The following COIL variants were observed in gnomAD, a reference collection of about 807,000 sequenced individuals.
The protein encoded by COIL is coilin p80.
COIL carries 28 observed loss-of-function variants against 51.6 expected under a neutral mutation model. The ratio of observed to expected loss-of-function variants is 0.54; its 90% CI spans 0.40 to 0.74. The LOEUF (loss-of-function observed/expected upper bound fraction) is 0.74. Ranked by LOEUF, COIL falls within the 30% of genes least tolerant of loss-of-function variation. COIL has a pLI of 0.00. For synonymous variants in COIL, 233 were observed against 255.8 expected (o/e 0.91, Z 0.85); for missense variants, 667 against 685.9 (o/e 0.97, Z 0.31).
chr17:56,959,516 T>C (rs1053921741), intron 1 of COIL, among the ~76,000 whole-genome samples: 2 of 152,306 alleles, frequency 1.3e-5, no homozygotes, highest in East Asian at 1.9e-4. Flanking sequence ...CAAAAGCATA[T>C]TTAAGATTAT....
At position 56,950,358 on chromosome 17, in the gene COIL, G is replaced by A; in HGVS notation, c.884C>T (p.Ala295Val). The change falls in exon 2 of 7, where the codon GCT becomes GTT. Residue 295 changes from alanine to valine, a missense_variant. Transcript: ENST00000240316. ...GGTAAGGCTAAAGCCAAGTTTTATA[G>A]CCAGTTTGTCTGCAGTTGTATTTTT... ...STKNTTADKL[A>V]IKLGFSLTPS... The A allele has an allele frequency of 6.2e-7, 1 of 1,614,168 alleles. No homozygotes were observed. Among genetic ancestry groups the A allele is most frequent in the Non-Finnish European group, 8.5e-7 (1 of 1,180,030 alleles).
At chr17:56,955,219 C>T (rs1486456517) in intron 1 of COIL, among the ~76,000 whole-genome samples, 1 of 152,154 alleles carries the variant, frequency 6.6e-6, no homozygotes, top group African/African-American at 2.4e-5. Context: ...TGCCTGCCAC[C>T]ACGCCTGGCT....
Position 56,938,982 on chromosome 17 carries a change from C to T in COIL, c.*89G>A, listed in dbSNP as rs1331705724. On this transcript the variant is annotated 3_prime_UTR_variant, in exon 7 of 7. Transcript: ENST00000240316. ...ATAACAAAAAAATCCATACAACTTC[C>T]AAATCCTCTTTAAAAAAAAAAAAAA... 2.0e-5 allele frequency: 14 copies of T among 686,118 alleles called. No homozygotes were observed. The highest frequency in any genetic ancestry group is 3.0e-5 in the Non-Finnish European group (12 of 398,776). The allele number at this position is 686,118 out of a possible 1,614,324, so 42.5% of individuals were successfully genotyped here. A position where few individuals can be genotyped will look rare whatever the true frequency, so the allele number is the denominator to read the frequency against.
chr17:56,955,998 T>TA (rs1598099049), intron 1 of COIL, among the ~76,000 whole-genome samples: 1 of 152,058 alleles, frequency 6.6e-6, no homozygotes, highest in East Asian at 1.9e-4. Context: ...CCATGATAGG[T>TA]AAAAAAGCAA....
At chr17:56,957,807 T>C (rs374116273) in intron 1 of COIL, among the ~76,000 whole-genome samples, 24 of 152,262 alleles carry the variant, frequency 1.6e-4, no homozygotes, top group African/African-American at 5.8e-4. Context: ...TCCAAGCCAA[T>C]AGAAGCACCT....
In COIL at chr17:56,943,164, T is replaced by C. The variant is rs73311860; in HGVS notation, c.1559-1041A>G. On this transcript the variant is annotated intron_variant, in intron 5 of 6. Coordinates refer to ENST00000240316, the MANE Select transcript of COIL (RefSeq NM_004645.3). ...CTTACAATACAGAGCAAGCATCTTC[T>C]CTATGCTTTGTGCAACTGTTATACT... Among the ~76,000 whole-genome samples, 1,090 of 152,366 alleles carry C rather than the reference T, an allele frequency of 7.2e-3. 16 individuals carry two copies. Among genetic ancestry groups the C allele is most frequent in the African/African-American group, 0.025 (1,041 of 41,580 alleles).
In COIL at chr17:56,941,900, G is replaced by T. The variant is rs983197788; in HGVS notation, c.1647+135C>A. ...GAGGGCCAAGATGGCGCCCTGATTT[G>T]GCACTGGTATTGCCACACCATAAGA... On this transcript the variant is annotated intron_variant, in intron 6 of 6. Coordinates refer to ENST00000240316, the MANE Select transcript of COIL (RefSeq NM_004645.3). 8 of 679,486 alleles carry T rather than the reference G, an allele frequency of 1.2e-5. No homozygotes were observed. The African/African-American group carries it at 1.4e-4, about 12-fold the overall frequency. 42.1% of individuals were successfully genotyped at this position (679,486 alleles called of 1,614,324 possible).
chr17:56,951,782 T>C (rs1481116973), intron 1 of COIL: 1 of 152,044 alleles, frequency 6.6e-6, no homozygotes. Context: ...GTTTTCTTTT[T>C]TTTATTTTTA....
At chr17:56,942,878 CA>C (rs1302370643) in intron 5 of COIL, among the ~76,000 whole-genome samples, 12 of 152,168 alleles carry the variant, frequency 7.9e-5, no homozygotes, top group African/African-American at 1.9e-4. Context: ...TGAAACCACG[CA>C]AAACAATCTT....
intron 3 of COIL, 119 bp from the exon 4 acceptor site, chr17:56,949,553 G>T: frequency 7.4e-7 from 1 of 1,354,670 alleles, no homozygotes; most frequent in South Asian, 1.2e-5. Context: ...GCCCTACCAG[G>T]AACCCGTAAC....
At chr17:56,954,818 A>AG (rs1328461013) in intron 1 of COIL, among the ~76,000 whole-genome samples, 1 of 152,046 alleles carries the variant, frequency 6.6e-6, no homozygotes, top group Non-Finnish European at 1.5e-5. Flanking sequence ...AAAAAAAAAA[A>AG]GAAAATATTA....
intron 1 of COIL, 85 bp from the exon 2 acceptor site, chr17:56,951,081 C>A (rs1910361788): frequency 8.1e-7 from 1 of 1,235,220 alleles, no homozygotes; most frequent in African/African-American, 1.5e-5. Flanking sequence ...GATGACTCTA[C>A]AAAATGTAAC....
intron 1 of COIL, among the ~76,000 whole-genome samples, chr17:56,957,427 C>T (rs1910504987): frequency 1.3e-5 from 2 of 152,064 alleles, no homozygotes; most frequent in Admixed American, 6.6e-5. Flanking sequence ...CGAGACCAGC[C>T]TGGCCAACAT....
intron 6 of COIL, among the ~76,000 whole-genome samples, chr17:56,939,712 C>G (rs935273287): frequency 1.3e-5 from 2 of 151,848 alleles, no homozygotes; most frequent in South Asian, 2.1e-4. Context: ...TGCACTCCAG[C>G]CTGGGTGACA....
At position 56,950,272 on chromosome 17, in the gene COIL, C is replaced by G; in HGVS notation, c.970G>C (p.Asp324His). ...SSSSDSSAES[D>H]DQCLMSSSTP... The stretch of plus-strand genomic sequence containing the variant: ...CTCGATGACATCAAGCATTGGTCGT[C>G]TGACTCTGCACTAGAGTCTGAACTG... Residue 324 changes from aspartate to histidine, a missense_variant, in exon 2 of 7, where the codon GAC becomes CAC. Asp to His is a moderately conservative substitution (Grantham distance 81, BLOSUM62 -1). Coordinates refer to ENST00000240316, the MANE Select transcript of COIL (RefSeq NM_004645.3). 6.2e-7 allele frequency: 1 copy of G among 1,614,232 alleles called. No homozygotes were observed. The highest frequency in any genetic ancestry group is 8.5e-7 in the Non-Finnish European group (1 of 1,180,034).
At chr17:56,944,810 G>A (rs1429264889) in intron 5 of COIL, among the ~76,000 whole-genome samples, 2 of 151,956 alleles carry the variant, frequency 1.3e-5, no homozygotes, top group South Asian at 2.1e-4. Flanking sequence ...GAGGTCAGGA[G>A]ATCGAGACCA....
At chr17:56,960,260 A>T (rs1323543603) in intron 1 of COIL, among the ~76,000 whole-genome samples, 2 of 150,998 alleles carry the variant, frequency 1.3e-5, no homozygotes, top group African/African-American at 4.9e-5. Flanking sequence ...GCGGTGGTGC[A>T]CGCCTGCAAT....
rs560091702 is a variant in COIL at position 56,953,363 on chromosome 17, G to A, written c.246-2367C>T. Among the ~76,000 whole-genome samples the A allele has an allele frequency of 1.1e-3, 163 of 142,496 alleles. 1 individual carries two copies. Among genetic ancestry groups the A allele is most frequent in the African/African-American group, 4.0e-3 (154 of 38,260 alleles). The allele number at this position is 142,496 out of a possible 152,430, so 93.5% of individuals were successfully genotyped here. A position where few individuals can be genotyped will look rare whatever the true frequency, so the allele number is the denominator to read the frequency against. On this transcript the variant is annotated intron_variant, in intron 1 of 6. Coordinates refer to ENST00000240316, the MANE Select transcript of COIL (RefSeq NM_004645.3). ...GAGGTGGAGCTTGCAGTGAGCCGAG[G>A]TCACACCACTGTACTCCAGCCTGGG...
chr17:56,941,101 C>A (rs1479941293), intron 6 of COIL: 1 of 139,614 alleles, frequency 7.2e-6, no homozygotes, highest in East Asian at 2.2e-4. Flanking sequence ...CACGCCACTG[C>A]ACTCCAGCCT....
Sources: allele counts gnomAD v4.1 joint callset (sites outside exome capture counted in the v4.1 genomes callset), GRCh38; gene constraint gnomAD v4.1.1; transcripts MANE v1.5; gene names NCBI Gene and HGNC (gene_info 2026-07-23, HGNC 2026-07-21).